The following GALNTL6 variants were observed in gnomAD, a reference collection of about 807,000 sequenced individuals.
GALNTL6 encodes the protein polypeptide N-acetylgalactosaminyltransferase-like 6.
GALNTL6 carries 46 observed loss-of-function variants against 73.7 expected under a neutral mutation model. The observed-to-expected ratio is 0.62, with a 90% confidence interval of 0.49 to 0.80. The LOEUF (loss-of-function observed/expected upper bound fraction) is 0.80, where lower values mean the gene tolerates loss of function less well. Ranked by LOEUF, GALNTL6 falls within the 30% of genes least tolerant of loss-of-function variation. The pLI, the probability that GALNTL6 is intolerant of heterozygous loss-of-function variation, is 0.00. For synonymous variants in GALNTL6, 259 were observed against 263.7 expected, an observed-to-expected ratio of 0.98 and a Z score of 0.17; for missense variants, 604 against 755.0, an observed-to-expected ratio of 0.80 and a Z score of 2.34.
chr4:172,139,984 A>G (rs1176218835), intron 2 of GALNTL6, among the ~76,000 whole-genome samples: 1 of 142,940 alleles, frequency 7.0e-6, no homozygotes, highest in Non-Finnish European at 1.5e-5. Flanking sequence ...GTACTTATTA[A>G]CATTGTTTAA....
intron 5 of GALNTL6, among the ~76,000 whole-genome samples, chr4:172,747,458 T>C (rs946609283): frequency 6.6e-6 from 1 of 151,924 alleles, no homozygotes; most frequent in Admixed American, 6.6e-5. Context: ...AAATTAAAAC[T>C]ATAAGAAGAT....
intron 2 of GALNTL6, among the ~76,000 whole-genome samples, chr4:172,206,012 G>A (rs1736098964): frequency 6.6e-6 from 1 of 152,016 alleles, no homozygotes; most frequent in Admixed American, 6.6e-5. Flanking sequence ...GTAGAGCAGG[G>A]AAAGAATATG....
chr4:172,260,881 TTC>T (rs1738234780), intron 3 of GALNTL6, among the ~76,000 whole-genome samples: 1 of 151,556 alleles, frequency 6.6e-6, no homozygotes, highest in Admixed American at 6.6e-5. Context: ...CTGTTTTTAA[TTC>T]TGTTTATGTG....
At chr4:172,778,892 C>A (rs920465030) in intron 5 of GALNTL6, among the ~76,000 whole-genome samples, 1 of 152,236 alleles carries the variant, frequency 6.6e-6, no homozygotes, top group East Asian at 1.9e-4. Context: ...TAACCCCGTG[C>A]CTTAGCACTT....
At chr4:172,792,927 T>C (rs1740078820) in intron 5 of GALNTL6, among the ~76,000 whole-genome samples, 1 of 152,150 alleles carries the variant, frequency 6.6e-6, no homozygotes, top group Non-Finnish European at 1.5e-5. Flanking sequence ...TGTATGTCTC[T>C]AACTAAAGTT....
At chr4:172,891,186 G>A (rs1746012737) in intron 8 of GALNTL6, among the ~76,000 whole-genome samples, 1 of 151,544 alleles carries the variant, frequency 6.6e-6, no homozygotes, top group African/African-American at 2.4e-5. Flanking sequence ...ACCAATATGC[G>A]AGGTTTTGAT....
intron 5 of GALNTL6, among the ~76,000 whole-genome samples, chr4:172,567,337 C>G (rs1447087976): frequency 6.6e-6 from 1 of 152,086 alleles, no homozygotes; most frequent in Non-Finnish European, 1.5e-5. Flanking sequence ...AATAATATCA[C>G]TAAACCTATG....
At chr4:172,944,110 G>GA (rs991530074) in intron 9 of GALNTL6, among the ~76,000 whole-genome samples, 1 of 151,960 alleles carries the variant, frequency 6.6e-6, no homozygotes, top group Admixed American at 6.6e-5. Flanking sequence ...TGACACCATA[G>GA]AAAAAAATTG....
At chr4:172,376,409 C>A (rs556472022) in intron 5 of GALNTL6, among the ~76,000 whole-genome samples, 1 of 152,092 alleles carries the variant, frequency 6.6e-6, no homozygotes, top group South Asian at 2.1e-4. Flanking sequence ...GTTGTCGGCA[C>A]CCCGGAGCTG....
intron 5 of GALNTL6, among the ~76,000 whole-genome samples, chr4:172,428,444 T>C (rs1189327815): frequency 3.3e-5 from 5 of 152,276 alleles, no homozygotes; most frequent in African/African-American, 1.2e-4. Flanking sequence ...AATAAAGTAT[T>C]ATGACACATA....
intron 2 of GALNTL6, among the ~76,000 whole-genome samples, chr4:172,136,426 T>C (rs1733638117): frequency 1.3e-5 from 2 of 152,016 alleles, no homozygotes. Context: ...TACCTGGGCA[T>C]TAGTCTCCTC....
At chr4:172,453,386 GTAT>G (rs980542750) in intron 5 of GALNTL6, among the ~76,000 whole-genome samples, 1 of 152,138 alleles carries the variant, frequency 6.6e-6, no homozygotes, top group Non-Finnish European at 1.5e-5. Flanking sequence ...ATTTTAAAAA[GTAT>G]TATGCTTGAA....
At chr4:172,950,417 A>T (rs1004300675) in intron 9 of GALNTL6, among the ~76,000 whole-genome samples, 1 of 152,204 alleles carries the variant, frequency 6.6e-6, no homozygotes, top group Non-Finnish European at 1.5e-5. Flanking sequence ...CTGAGAAATC[A>T]GAGCTTTCTT....
intron 2 of GALNTL6, among the ~76,000 whole-genome samples, chr4:171,959,530 G>A (rs941445438): frequency 6.6e-6 from 1 of 151,802 alleles, no homozygotes; most frequent in South Asian, 2.1e-4. Flanking sequence ...GGGCGCTGGG[G>A]TGTCTTCTTT....
At chr4:172,860,468 C>T (rs1744338804) in intron 7 of GALNTL6, among the ~76,000 whole-genome samples, 1 of 151,978 alleles carries the variant, frequency 6.6e-6, no homozygotes, top group South Asian at 2.1e-4. Context: ...TATTTCACAA[C>T]AACAAAAAAG....
At chr4:172,960,949 G>C (rs1047638439) in intron 10 of GALNTL6, among the ~76,000 whole-genome samples, 1 of 151,690 alleles carries the variant, frequency 6.6e-6, no homozygotes, top group Admixed American at 6.6e-5. Context: ...AAAGGGTGGG[G>C]GTGCTTGCCC....
At chr4:172,151,547 A>G (rs1182481910) in intron 2 of GALNTL6, among the ~76,000 whole-genome samples, 1 of 152,256 alleles carries the variant, frequency 6.6e-6, no homozygotes, top group African/African-American at 2.4e-5. Context: ...TTAGCTATCA[A>G]CGTCAGGAGG....
intron 2 of GALNTL6, among the ~76,000 whole-genome samples, chr4:171,914,071 A>G (rs13106131): frequency 1.3e-5 from 2 of 152,196 alleles, no homozygotes; most frequent in Non-Finnish European, 2.9e-5. Context: ...AATGAAATGG[A>G]AATGACAGAA....
intron 5 of GALNTL6, among the ~76,000 whole-genome samples, chr4:172,618,038 G>T (rs1738811187): frequency 6.6e-6 from 1 of 152,118 alleles, no homozygotes; most frequent in South Asian, 2.1e-4. Flanking sequence ...AATGCACAAA[G>T]GAATGCAGTG....
Sources: allele counts gnomAD v4.1 joint callset (sites outside exome capture counted in the v4.1 genomes callset), GRCh38; gene constraint gnomAD v4.1.1; transcripts MANE v1.5; gene names NCBI Gene and HGNC (gene_info 2026-07-23, HGNC 2026-07-21).